JUP: variants seen among roughly 807,000 people sequenced by gnomAD.
The protein encoded by JUP is junction plakoglobin, also known as catenin (cadherin-associated protein), gamma 80kDa.
A neutral mutation model predicts 71.1 loss-of-function variants in JUP; 28 were observed. The ratio of observed to expected loss-of-function variants is 0.39; its 90% CI spans 0.29 to 0.54. The LOEUF (loss-of-function observed/expected upper bound fraction) is 0.54, where lower values mean the gene tolerates loss of function less well. Ranked by LOEUF, JUP falls within the 20% of genes least tolerant of loss-of-function variation. The pLI, the probability that JUP is intolerant of heterozygous loss-of-function variation, is 0.62. For synonymous variants in JUP, 401 were observed against 438.9 expected (o/e 0.91, Z 1.08); for missense variants, 869 against 1,030.1 (o/e 0.84, Z 2.14).
chr17:41,778,693 C>T (rs1311588017), intron 1 of JUP, among the ~76,000 whole-genome samples: 2 of 151,594 alleles, frequency 1.3e-5, no homozygotes, highest in Non-Finnish European at 2.9e-5. Flanking sequence ...GGGCGGATCA[C>T]GAGGTCAGGA....
chr17:41,764,683 G>A (rs1915410697), intron 7 of JUP, 30 bp downstream of exon 7: 2 of 1,590,668 alleles, frequency 1.3e-6, no homozygotes, highest in Non-Finnish European at 1.7e-6. Flanking sequence ...AGCTGAAGAG[G>A]TCAACCCCAG....
chr17:41,759,478 AC>A (rs35352706), intron 8 of JUP, among the ~76,000 whole-genome samples: 1 of 96,276 alleles, frequency 1.0e-5, no homozygotes, highest in Non-Finnish European at 2.2e-5. Context: ...TTTCTTAACC[AC>A]CCCCCACAGA....
rs201194744 is a variant in JUP at position 41,769,689 on chromosome 17, G to C, written c.209-12C>G. The C allele has an allele frequency of 7.5e-6, 12 of 1,606,644 alleles. No homozygotes were observed. In the South Asian group the frequency reaches 1.2e-4, roughly 16 times the overall value. On this transcript the variant is annotated splice_polypyrimidine_tract_variant and intron_variant, in intron 2 of 13. Coordinates refer to ENST00000393931, the MANE Select transcript of JUP (RefSeq NM_002230.4). ...GTACTCCAGATCACCTGGGGGCCAT[G>C]GGGACAGGGACTGAGTGCAGGCAGT...
Position 41,767,566 on chromosome 17 carries a change from G to T in JUP, c.722C>A (p.Ser241Ter). 1 of 1,432,992 alleles carries T rather than the reference G, an allele frequency of 7.0e-7. No individual in the cohort carries two copies. 88.8% of individuals were successfully genotyped at this position (1,432,992 alleles called of 1,614,324 possible). A position where few individuals can be genotyped will look rare whatever the true frequency, so the allele number is the denominator to read the frequency against. Residue 241 changes from serine (S) to a stop codon, truncating the protein, a stop_gained, in exon 5 of 14, where the codon TCG becomes TAG. Transcript: ENST00000393931. LOFTEE classifies it high-confidence loss of function. ...CGTGGTGATGGCATAGAACAGGACC[G>T]ACTCCACAGGGGAGCTGGGGGGGTG... ...LVRMLSSPVE[S>*]VLFYAITTLH... is the part of the protein sequence containing the mutation.
At position 41,755,748 on chromosome 17, in the gene JUP, G is replaced by C. The variant is rs1913589680; in HGVS notation, c.2234C>G (p.Ala745Gly). Residue 745 changes from alanine to glycine, a missense_variant, in exon 14 of 14, where the codon GCC (alanine) becomes GGC (glycine). Ala to Gly is a moderately conservative substitution (Grantham distance 60). Transcript: ENST00000393931. ...PPYPTADHML[A>G] is the part of the protein sequence containing the mutation. ...GCCGTACTGGGGCCAGGCCGCCTAG[G>C]CCAGCATGTGGTCTGCAGTGGGGTA... is the stretch of plus-strand genomic sequence containing the variant. 1 of 1,582,976 alleles carries C rather than the reference G, an allele frequency of 6.3e-7. No individual in the cohort carries two copies. The highest frequency in any genetic ancestry group is 8.6e-7 in the Non-Finnish European group (1 of 1,160,858).
chr17:41,768,931 G>C lies in JUP; in HGVS notation c.707+38C>G, dbSNP rs377536173. On this transcript the variant is annotated intron_variant, in intron 4 of 13. Transcript: ENST00000393931. Reference sequence around the variant, plus strand: ...AGGGAGGGGAGAGGCCCAAGTGAGAGGGGGTCCTGGGCTCATGCAGTGAGC... The same window carrying C: ...AGGGAGGGGAGAGGCCCAAGTGAGACGGGGTCCTGGGCTCATGCAGTGAGC... The C allele has an allele frequency of 4.0e-6, 6 of 1,482,850 alleles. No homozygotes were observed. The African/African-American group carries it at 8.3e-5, about 20-fold the overall frequency. 91.9% of individuals were successfully genotyped at this position (1,482,850 alleles called of 1,614,324 possible).
intron 1 of JUP, 144 bp from the exon 2 acceptor site, chr17:41,772,006 G>A: frequency 1.2e-6 from 1 of 821,920 alleles, no homozygotes; most frequent in Non-Finnish European, 2.0e-6. Flanking sequence ...GGGGATGGGG[G>A]GACTGCCCAG....
At chr17:41,776,967 A>G (rs565959007) in intron 1 of JUP, among the ~76,000 whole-genome samples, 2 of 152,276 alleles carry the variant, frequency 1.3e-5, no homozygotes, top group African/African-American at 4.8e-5. Flanking sequence ...GATCGCACCA[A>G]TTGCATTCCA....
chr17:41,756,307 A>T, intron 12 of JUP, 93 bp from the exon 13 acceptor site: 1 of 1,289,004 alleles, frequency 7.8e-7, no homozygotes, highest in South Asian at 1.2e-5. Context: ...TGCTTCTAAA[A>T]GAGGGGGCCA....
chr17:41,767,309 C>A (rs1915886192), intron 5 of JUP, 70 bp downstream of exon 5: 1 of 1,356,120 alleles, frequency 7.4e-7, no homozygotes. Context: ...GGCAGCGGCC[C>A]AAGGCTGTGC....
intron 5 of JUP, among the ~76,000 whole-genome samples, chr17:41,767,077 CA>C (rs1157458665): frequency 6.7e-6 from 1 of 149,986 alleles, no homozygotes; most frequent in East Asian, 1.9e-4. Context: ...AGGCAGAAAA[CA>C]GATGCAATAT....
intron 2 of JUP, among the ~76,000 whole-genome samples, chr17:41,771,181 G>A (rs1156303995): frequency 6.6e-6 from 1 of 152,062 alleles, no homozygotes; most frequent in Non-Finnish European, 1.5e-5. Context: ...AGGTGCATGC[G>A]CCACCACACC....
chr17:41,776,000 C>T lies in JUP; in HGVS notation c.-8-4138G>A, dbSNP rs544365909. The T allele has an allele frequency of 2.1e-3, 2,098 of 985,266 alleles. 2 individuals are homozygous for T. The highest frequency in any genetic ancestry group is 2.4e-3 in the Non-Finnish European group (1,967 of 829,868). 61.0% of individuals were successfully genotyped at this position (985,266 alleles called of 1,614,324 possible). A position where few individuals can be genotyped will look rare whatever the true frequency, so the allele number is the denominator to read the frequency against. Reference sequence around the variant, plus strand: ...AGCTACACCAGGCTCCTTCCCCAGCCGGCACCTGCCAAGGACAGTCAGCAA... The same window carrying T: ...AGCTACACCAGGCTCCTTCCCCAGCTGGCACCTGCCAAGGACAGTCAGCAA... On this transcript the variant is annotated intron_variant, in intron 1 of 13. Transcript: ENST00000393931.
intron 1 of JUP, among the ~76,000 whole-genome samples, chr17:41,778,246 G>A (rs1229417799): frequency 2.0e-5 from 3 of 152,148 alleles, no homozygotes; most frequent in African/African-American, 7.2e-5. Context: ...GGAAAACCAG[G>A]ATTGGAATAA....
Position 41,756,290 on chromosome 17 carries a change from G to A in JUP, c.2047-76C>T. 2.8e-6 allele frequency: 4 copies of A among 1,448,600 alleles called. No homozygotes were observed. The South Asian group carries it at 3.5e-5, about 13-fold the overall frequency. 89.7% of individuals were successfully genotyped at this position (1,448,600 alleles called of 1,614,324 possible). ...GAGCTGGATCTCAGCTGGTGGGCAG[G>A]GAGAGATGCTTCTAAAAGAGGGGGC... On this transcript the variant is annotated intron_variant, in intron 12 of 13. Coordinates refer to ENST00000393931, the MANE Select transcript of JUP (RefSeq NM_002230.4).
In JUP at chr17:41,755,358, G is replaced by A. The variant is rs1002271422; in HGVS notation, c.*386C>T. ...AGGGTGCAGCAGGAAGTTACACCCC[G>A]GCTTCCCCAGCTCAGGCACTTTTCT... On this transcript the variant is annotated 3_prime_UTR_variant, in exon 14 of 14. Transcript: ENST00000393931. The A allele has an allele frequency of 7.7e-5, 31 of 404,170 alleles. No homozygotes were observed. Among genetic ancestry groups the A allele is most frequent in the Non-Finnish European group, 1.3e-4 (29 of 229,624 alleles). 25.0% of individuals were successfully genotyped at this position (404,170 alleles called of 1,614,324 possible). A position where few individuals can be genotyped will look rare whatever the true frequency, so the allele number is the denominator to read the frequency against.
At chr17:41,778,728 G>T (rs1483762592) in intron 1 of JUP, among the ~76,000 whole-genome samples, 2 of 150,774 alleles carry the variant, frequency 1.3e-5, no homozygotes, top group Non-Finnish European at 2.9e-5. Context: ...TGGCTAATAC[G>T]GTGAAACCTC....
At position 41,755,141 on chromosome 17, in the gene JUP, G is replaced by A. The variant is rs1405475749; in HGVS notation, c.*603C>T. ...AAGCCCTTCCGGGCCCAGGCAGCTG[G>A]AGACAGGGAGGCTGGAGGTTTGGAG... On this transcript the variant is annotated 3_prime_UTR_variant, in exon 14 of 14. Transcript: ENST00000393931. 2.5e-6 allele frequency: 1 copy of A among 397,904 alleles called. No homozygotes were observed. Among genetic ancestry groups the A allele is most frequent in the African/African-American group, 2.1e-5 (1 of 48,634 alleles). 24.6% of individuals were successfully genotyped at this position (397,904 alleles called of 1,614,324 possible).
chr17:41,764,520 G>C (rs1157781121), intron 7 of JUP, among the ~76,000 whole-genome samples, 193 bp downstream of exon 7: 1 of 127,764 alleles, frequency 7.8e-6, no homozygotes, highest in African/African-American at 3.1e-5. Context: ...AGGTGACAGA[G>C]TGAGACTCCG....
Sources: gnomAD v4.1 joint callset for allele counts (sites outside exome capture counted in the v4.1 genomes callset) on GRCh38, gnomAD v4.1.1 for gene constraint, MANE v1.5 for transcripts, NCBI Gene and HGNC (gene_info 2026-07-23, HGNC 2026-07-21) for gene names.